The following DCPS variants were observed in gnomAD, a reference collection of about 807,000 sequenced individuals.
The protein encoded by DCPS is m7GpppX diphosphatase.
Under a neutral mutation model 34.7 loss-of-function variants are expected in DCPS, and 27 were observed. The ratio of observed to expected loss-of-function variants is 0.78; its 90% confidence interval spans 0.57 to 1.07. The LOEUF (loss-of-function observed/expected upper bound fraction) is 1.07. DCPS is among the 50% of genes least tolerant of loss of function. The probability of loss-of-function intolerance (pLI) is 0.00; values close to 1 mark genes in which losing one functional copy is unlikely to be tolerated. For synonymous variants in DCPS, 185 were observed against 185.7 expected, an observed-to-expected ratio of 1.00 and a Z score of 0.03; for missense variants, 464 against 436.9, an observed-to-expected ratio of 1.06 and a Z score of -0.55.
intron 2 of DCPS, among the ~76,000 whole-genome samples, chr11:126,308,835 C>T (rs765473859): frequency 6.6e-6 from 1 of 151,284 alleles, no homozygotes; most frequent in African/African-American, 2.4e-5. Context: ...TGGCATTGCA[C>T]ACAAGTGGAG....
In DCPS at chr11:126,331,445, C is replaced by G. The variant is rs1202226122; in HGVS notation, c.417C>G (p.His139Gln). 1 of 1,614,156 alleles carries G rather than the reference C, an allele frequency of 6.2e-7. No homozygotes were observed. The highest frequency in any genetic ancestry group is 8.5e-7 in the Non-Finnish European group (1 of 1,180,016). Reference sequence around the variant, plus strand: ...TGGTTTACCCTGCCACAGAGAAACACCTGCAGAAGTACCTGCGCCAGGACC... The same window carrying G: ...TGGTTTACCCTGCCACAGAGAAACAGCTGCAGAAGTACCTGCGCCAGGACC... ...TTVVYPATEK[H>Q]LQKYLRQDLR... is the part of the protein sequence containing the mutation. Residue 139 changes from histidine to glutamine, a missense_variant, in exon 3 of 6, where the codon CAC (histidine) becomes CAG (glutamine). His to Gln is a conservative substitution (Grantham distance 24, BLOSUM62 0). Transcript: ENST00000263579. The surrounding 1 kb of genome is among the most constrained non-coding windows in gnomAD (Gnocchi z 7.2).
At position 126,323,108 on chromosome 11, in the gene DCPS, G is replaced by A. The variant is rs1036644279; in HGVS notation, c.377-8297G>A. Among the ~76,000 whole-genome samples, 8 of 152,158 alleles carry A rather than the reference G, an allele frequency of 5.3e-5. No homozygotes were observed. The highest frequency in any genetic ancestry group is 1.0e-4 in the Non-Finnish European group (7 of 68,030). ...GCCTCCCAAAGTGTTGGGATTACAG[G>A]CATGAGCCACCACACCCAGCCACCA... On this transcript the variant is annotated intron_variant, in intron 2 of 5. Transcript: ENST00000263579. This position sits in a 1 kb window ranked among gnomAD's most constrained non-coding sequence, Gnocchi z 4.4.
In DCPS at chr11:126,345,676, T is replaced by A. The variant is rs1951919384; in HGVS notation, c.*63T>A. On this transcript the variant is annotated 3_prime_UTR_variant, in exon 6 of 6. Coordinates refer to ENST00000263579, the MANE Select transcript of DCPS (RefSeq NM_014026.6). The surrounding 1 kb of genome is among the most constrained non-coding windows in gnomAD (Gnocchi z 7.4). ...GGGGAGGAGTGGGGACAAGATTTTT[T>A]ATCTCCAAGTGAATTTTCTAAAAAT... 1 of 1,567,002 alleles carries A rather than the reference T, an allele frequency of 6.4e-7. No homozygotes were observed. Among genetic ancestry groups the A allele is most frequent in the South Asian group, 1.2e-5 (1 of 86,846 alleles).
rs202227377 is a variant in DCPS, at chr11:126,306,754, A to C, written c.376+10A>C. On this transcript the variant is annotated intron_variant, in intron 2 of 5. Coordinates refer to ENST00000263579, the MANE Select transcript of DCPS (RefSeq NM_014026.6). ...CCAAGACAACTGAATGGTGAGCAAG[A>C]GGTGGCCAGGGTGGCTGTATGGAGG... 1.3e-5 allele frequency: 20 copies of C among 1,587,226 alleles called. No individual in the cohort carries two copies. The East Asian group carries it at 2.3e-4, about 18-fold the overall frequency.
chr11:126,323,107 G>A lies in DCPS; in HGVS notation c.377-8298G>A, dbSNP rs1383771969. On this transcript the variant is annotated intron_variant, in intron 2 of 5. Transcript: ENST00000263579. The surrounding 1 kb of genome is among the most constrained non-coding windows in gnomAD (Gnocchi z 4.4). ...AGCCTCCCAAAGTGTTGGGATTACA[G>A]GCATGAGCCACCACACCCAGCCACC... 6.6e-6 allele frequency among the ~76,000 whole-genome samples: 1 copy of A among 152,160 alleles called. No homozygotes were observed. The highest frequency in any genetic ancestry group is 1.5e-5 in the Non-Finnish European group (1 of 68,030).
At chr11:126,305,741 T>C (rs773042190) in intron 1 of DCPS, among the ~76,000 whole-genome samples, 48 of 148,820 alleles carry the variant, frequency 3.2e-4, no homozygotes, top group Middle Eastern at 3.5e-3. Flanking sequence ...TTGTTTTTTG[T>C]TTGTTTGTTT....
At position 126,338,551 on chromosome 11, in the gene DCPS, G is replaced by C; in HGVS notation, c.636+152G>C. Reference sequence around the variant, plus strand: ...CCTGAGCTCTCTGTGGGGACTGGGTGGATACCTGTCATACATAAGTGCTTT... The same window carrying C: ...CCTGAGCTCTCTGTGGGGACTGGGTCGATACCTGTCATACATAAGTGCTTT... On this transcript the variant is annotated intron_variant, in intron 4 of 5. Coordinates refer to ENST00000263579, the MANE Select transcript of DCPS (RefSeq NM_014026.6). The surrounding 1 kb of genome is among the most constrained non-coding windows in gnomAD (Gnocchi z 5.4). 1 of 699,480 alleles carries C rather than the reference G, an allele frequency of 1.4e-6. No individual in the cohort carries two copies. The highest frequency in any genetic ancestry group is 1.8e-5 in the South Asian group (1 of 56,210). 43.3% of individuals were successfully genotyped at this position (699,480 alleles called of 1,614,324 possible). A position where few individuals can be genotyped will look rare whatever the true frequency, so the allele number is the denominator to read the frequency against.
At position 126,335,558 on chromosome 11, in the gene DCPS, C is replaced by T. The variant is rs889999920; in HGVS notation, c.523-2728C>T. On this transcript the variant is annotated intron_variant, in intron 3 of 5. Coordinates refer to ENST00000263579, the MANE Select transcript of DCPS (RefSeq NM_014026.6). The surrounding 1 kb of genome is among the most constrained non-coding windows in gnomAD (Gnocchi z 4.8). ...TGTACCTTGGCCCAGGGTGCAGGCT[C>T]AGGAGCCAGATACTCATGGTTGGAA... Among the ~76,000 whole-genome samples, 12 of 152,222 alleles carry T rather than the reference C, an allele frequency of 7.9e-5. No homozygotes were observed. The highest frequency in any genetic ancestry group is 2.7e-4 in the African/African-American group (11 of 41,458).
rs1389497610 is a variant in DCPS, at chr11:126,348,983, C to T, written c.*3370C>T. ...TCTGGCCCTTTGTTCACCATTTCCC[C>T]AGAACCTAGGGTGGTGACTCACCTA... On this transcript the variant is annotated 3_prime_UTR_variant, in exon 6 of 6. Transcript: ENST00000263579. This position sits in a 1 kb window ranked among gnomAD's most constrained non-coding sequence, Gnocchi z 5.3. Among the ~76,000 whole-genome samples, 1 of 152,208 alleles carries T rather than the reference C, an allele frequency of 6.6e-6. No individual in the cohort carries two copies. Among genetic ancestry groups the T allele is most frequent in the East Asian group, 1.9e-4 (1 of 5,196 alleles).
rs1951902072 is a variant in DCPS, at chr11:126,344,515, C to T, written c.748-832C>T. Among the ~76,000 whole-genome samples, 1 of 152,070 alleles carries T rather than the reference C, an allele frequency of 6.6e-6. No individual in the cohort carries two copies. Among genetic ancestry groups the T allele is most frequent in the South Asian group, 2.1e-4 (1 of 4,820 alleles). Reference sequence around the variant, plus strand: ...TCGGGTGCCTTGGCCCTGGTCTCGCCCCGCTGCAGGGATTCCTGGGGTGAG... The same window carrying T: ...TCGGGTGCCTTGGCCCTGGTCTCGCTCCGCTGCAGGGATTCCTGGGGTGAG... On this transcript the variant is annotated intron_variant, in intron 5 of 5. Transcript: ENST00000263579. The surrounding 1 kb of genome is among the most constrained non-coding windows in gnomAD (Gnocchi z 8.1).
At position 126,322,373 on chromosome 11, in the gene DCPS, C is replaced by T. The variant is rs1332236591; in HGVS notation, c.377-9032C>T. ...CCGTCTCCTGGGTTCAAGCAATTCT[C>T]CTGTCTCATTCTCTCTAGTAGCTGG... On this transcript the variant is annotated intron_variant, in intron 2 of 5. Transcript: ENST00000263579. The surrounding 1 kb of genome is among the most constrained non-coding windows in gnomAD (Gnocchi z 4.2). Among the ~76,000 whole-genome samples, 1 of 152,014 alleles carries T rather than the reference C, an allele frequency of 6.6e-6. No individual in the cohort carries two copies.
rs1202099330 is a variant in DCPS at position 126,346,978 on chromosome 11, T to C, written c.*1365T>C. 1.3e-5 allele frequency among the ~76,000 whole-genome samples: 2 copies of C among 151,910 alleles called. No homozygotes were observed. The highest frequency in any genetic ancestry group is 4.8e-5 in the African/African-American group (2 of 41,376). ...GGTGGTGGGCTCCTATAATCCCACCTACTTGGGAGGCTGAAGCAGGAGAAT... is the reference window on the plus strand; with the variant it reads ...GGTGGTGGGCTCCTATAATCCCACCCACTTGGGAGGCTGAAGCAGGAGAAT... On this transcript the variant is annotated 3_prime_UTR_variant, in exon 6 of 6. Transcript: ENST00000263579. This position sits in a 1 kb window ranked among gnomAD's most constrained non-coding sequence, Gnocchi z 4.1.
chr11:126,321,929 A>C (rs893898805), intron 2 of DCPS, among the ~76,000 whole-genome samples: 1 of 152,212 alleles, frequency 6.6e-6, no homozygotes, highest in South Asian at 2.1e-4. Context: ...GCACAAAGAC[A>C]AAAGAGATGG....
intron 2 of DCPS, among the ~76,000 whole-genome samples, chr11:126,330,085 CAGGTGGTTTTG>C (rs891787882): frequency 5.3e-5 from 8 of 152,110 alleles, no homozygotes; most frequent in African/African-American, 1.7e-4. Flanking sequence ...TAACCAAAAC[CAGGTGGTTTTG>C]GACCAGGAAG....
rs1210024809 is a variant in DCPS at position 126,346,029 on chromosome 11, T to A, written c.*416T>A. On this transcript the variant is annotated 3_prime_UTR_variant, in exon 6 of 6. Transcript: ENST00000263579. The surrounding 1 kb of genome is among the most constrained non-coding windows in gnomAD (Gnocchi z 4.1). ...TCCTCCTTCCCCTGCCATCCACCTC[T>A]CCTTTGAGGAGTTCCCCAAAAAACC... Among the ~76,000 whole-genome samples, 1 of 152,088 alleles carries A rather than the reference T, an allele frequency of 6.6e-6. No individual in the cohort carries two copies. Among genetic ancestry groups the A allele is most frequent in the African/African-American group, 2.4e-5 (1 of 41,412 alleles).
rs1456227893 is a variant in DCPS, at chr11:126,347,077, T to C, written c.*1464T>C. Among the ~76,000 whole-genome samples, 1 of 148,380 alleles carries C rather than the reference T, an allele frequency of 6.7e-6. No individual in the cohort carries two copies. The highest frequency in any genetic ancestry group is 1.5e-5 in the Non-Finnish European group (1 of 67,118). On this transcript the variant is annotated 3_prime_UTR_variant, in exon 6 of 6. Transcript: ENST00000263579. This position sits in a 1 kb window ranked among gnomAD's most constrained non-coding sequence, Gnocchi z 4.2. ...CTGGGTGACAGAGCAAGACTCCCTC[T>C]CAGAAAAAAAAATTAAAAAAATAGA...
chr11:126,305,299 A>G (rs1311796440), intron 1 of DCPS, among the ~76,000 whole-genome samples: 1 of 150,430 alleles, frequency 6.6e-6, no homozygotes, highest in African/African-American at 2.5e-5. Context: ...TTTTTAGTAG[A>G]GATGGGGGTT....
At chr11:126,321,329 G>C (rs1219503337) in intron 2 of DCPS, among the ~76,000 whole-genome samples, 5 of 152,126 alleles carry the variant, frequency 3.3e-5, no homozygotes, top group African/African-American at 9.6e-5. Context: ...GCTGAGAGTG[G>C]GGTCAGGGCA....
At chr11:126,308,270 T>G (rs2135308781) in intron 2 of DCPS, among the ~76,000 whole-genome samples, 1 of 152,364 alleles carries the variant, frequency 6.6e-6, no homozygotes, top group East Asian at 1.9e-4. Context: ...TTCTGGAATT[T>G]GTTTTACAGC....
Sources: gnomAD v4.1 joint callset for allele counts (sites outside exome capture counted in the v4.1 genomes callset) on GRCh38, gnomAD v4.1.1 for gene constraint, Gnocchi (gnomAD v3.1) non-coding constraint, MANE v1.5 for transcripts, NCBI Gene and HGNC (gene_info 2026-07-23, HGNC 2026-07-21) for gene names.